The following DNAJC6 variants were observed in gnomAD, a reference collection of about 807,000 sequenced individuals.
DNAJC6 encodes the protein auxilin.
In DNAJC6, 34 loss-of-function variants were observed where a neutral mutation model predicts 110.0. The ratio of observed to expected loss-of-function variants is 0.31; its 90% CI spans 0.24 to 0.41. The LOEUF is 0.41. DNAJC6 is among the 10% of genes least tolerant of loss of function. The pLI is 1.00. For synonymous variants in DNAJC6, 406 were observed against 437.2 expected, an observed-to-expected ratio of 0.93 and a Z score of 0.89; for missense variants, 1,031 against 1,207.8, an observed-to-expected ratio of 0.85 and a Z score of 2.17.
rs1485406732 is a variant in DNAJC6, at chr1:65,413,242, C to G, written c.*217C>G. On this transcript the variant is annotated 3_prime_UTR_variant, in exon 19 of 19. Coordinates refer to ENST00000371069, the MANE Select transcript of DNAJC6 (RefSeq NM_001256864.2). ...AAGATCCAAAGCATGAGAGGAACTT[C>G]TAGTCAGATGACCTTGCAGAACCAC... is the stretch of plus-strand genomic sequence containing the variant. 14 of 482,854 alleles carry G rather than the reference C, an allele frequency of 2.9e-5. No homozygotes were observed. Among genetic ancestry groups the G allele is most frequent in the Non-Finnish European group, 5.2e-5 (14 of 270,346 alleles). The allele number at this position is 482,854 out of a possible 1,614,324, so 29.9% of individuals were successfully genotyped here.
intron 4 of DNAJC6, among the ~76,000 whole-genome samples, chr1:65,378,599 A>C (rs1645789374): frequency 2.0e-5 from 3 of 152,192 alleles, no homozygotes; most frequent in Admixed American, 2.0e-4. Flanking sequence ...CTAGATTAGT[A>C]AGTATGTAAT....
chr1:65,324,043 G>A (rs994140595), intron 1 of DNAJC6, among the ~76,000 whole-genome samples: 23 of 152,240 alleles, frequency 1.5e-4, no homozygotes, highest in African/African-American at 5.3e-4. Flanking sequence ...AAGTAAGGCA[G>A]TGTTGAGAAT....
chr1:65,370,788 T>C (rs1338423103), intron 4 of DNAJC6, among the ~76,000 whole-genome samples: 1 of 152,206 alleles, frequency 6.6e-6, no homozygotes, highest in Non-Finnish European at 1.5e-5. Context: ...GAAAATGTAT[T>C]ATCAACTTGG....
At chr1:65,315,994 T>C (rs1298741881) in intron 1 of DNAJC6, among the ~76,000 whole-genome samples, 2 of 152,122 alleles carry the variant, frequency 1.3e-5, no homozygotes, top group Non-Finnish European at 2.9e-5. Flanking sequence ...TTAAAAACAC[T>C]GGAAATGAAA....
intron 1 of DNAJC6, among the ~76,000 whole-genome samples, chr1:65,301,824 C>A (rs1644981317): frequency 6.6e-6 from 1 of 151,878 alleles, no homozygotes; most frequent in African/African-American, 2.4e-5. Flanking sequence ...GATCTAAACC[C>A]AATAAGGCCT....
chr1:65,384,108 C>T lies in DNAJC6; in HGVS notation c.667-85C>T, dbSNP rs569105671. ...TTAAGAGGATTTCTCCTCTCTCTGT[C>T]TCTTAATTGCAAATTCTGCCATTTT... On this transcript the variant is annotated intron_variant, in intron 5 of 18. Transcript: ENST00000371069. 1.1e-5 allele frequency: 15 copies of T among 1,331,584 alleles called. No homozygotes were observed. The South Asian group carries it at 2.9e-4, about 26-fold the overall frequency. The allele number at this position is 1,331,584 out of a possible 1,614,324, so 82.5% of individuals were successfully genotyped here.
chr1:65,310,033 C>T (rs1012415277), intron 1 of DNAJC6, 95 bp downstream of exon 1: 48 of 1,354,376 alleles, frequency 3.5e-5, no homozygotes, highest in Non-Finnish European at 4.4e-5. Flanking sequence ...GTCCCCCAGC[C>T]CCGGTTTGCG....
intron 1 of DNAJC6, among the ~76,000 whole-genome samples, chr1:65,338,461 C>T (rs963465917): frequency 3.3e-5 from 5 of 152,058 alleles, no homozygotes; most frequent in African/African-American, 9.7e-5. Context: ...GTGGTTATAT[C>T]ATCAATTTCA....
At chr1:65,405,150 A>G (rs1174166419) in intron 15 of DNAJC6, among the ~76,000 whole-genome samples, 1 of 152,228 alleles carries the variant, frequency 6.6e-6, no homozygotes, top group Non-Finnish European at 1.5e-5. Flanking sequence ...AGTGCTTAAA[A>G]GTTTGGAGAT....
chr1:65,289,216 G>A (rs1011040913), intron 1 of DNAJC6, among the ~76,000 whole-genome samples: 2 of 151,536 alleles, frequency 1.3e-5, no homozygotes, highest in African/African-American at 4.9e-5. Context: ...TTTTCCCCAA[G>A]ATGGAGTCTC....
intron 1 of DNAJC6, among the ~76,000 whole-genome samples, chr1:65,328,900 G>A (rs1421394527): frequency 6.6e-6 from 1 of 152,168 alleles, no homozygotes; most frequent in African/African-American, 2.4e-5. Flanking sequence ...TGGTAATGCA[G>A]GTCTCAAGTT....
At chr1:65,290,647 A>T (rs1644864122) in intron 1 of DNAJC6, among the ~76,000 whole-genome samples, 3 of 152,148 alleles carry the variant, frequency 2.0e-5, no homozygotes, top group Non-Finnish European at 4.4e-5. Context: ...TTTATTTTTA[A>T]ATTATTACCT....
chr1:65,367,519 C>T (rs182466668), intron 4 of DNAJC6, among the ~76,000 whole-genome samples: 2 of 152,184 alleles, frequency 1.3e-5, no homozygotes, highest in East Asian at 3.9e-4. Flanking sequence ...TTTTTCTTGA[C>T]TGGAGGCTAA....
At chr1:65,305,859 T>A (rs1427138920), upstream of DNAJC6, among the ~76,000 whole-genome samples, 2 of 151,426 alleles carry the variant, frequency 1.3e-5, no homozygotes, top group African/African-American at 4.9e-5. Flanking sequence ...AGTGACATTT[T>A]AAAAAGAAGT....
chr1:65,309,420 C>G (rs2101354700), upstream of DNAJC6: 1 of 448,598 alleles, frequency 2.2e-6, no homozygotes, highest in African/African-American at 2.1e-5. Context: ...ACTCCTCAGC[C>G]AGGAGGTGCT....
rs759191663 is a variant in DNAJC6, at chr1:65,413,063, A to G, written c.*38A>G. 6 of 1,576,132 alleles carry G rather than the reference A, an allele frequency of 3.8e-6. No individual in the cohort carries two copies. The South Asian group carries it at 4.5e-5, about 12-fold the overall frequency. On this transcript the variant is annotated 3_prime_UTR_variant, in exon 19 of 19. Transcript: ENST00000371069. ...TCCATCTCTGCTGCAGACCTGTGCT[A>G]ATGCTTAGTGTGTGTCACAATTCTG... is the stretch of plus-strand genomic sequence containing the variant.
At chr1:65,269,112 T>C (rs1263980215) in intron 1 of DNAJC6, among the ~76,000 whole-genome samples, 2 of 152,138 alleles carry the variant, frequency 1.3e-5, no homozygotes, top group African/African-American at 4.8e-5. Context: ...GCTCAACCTG[T>C]GATCCCAACA....
chr1:65,403,984 T>C (rs1646052852), intron 15 of DNAJC6, among the ~76,000 whole-genome samples: 1 of 152,234 alleles, frequency 6.6e-6, no homozygotes, highest in South Asian at 2.1e-4. Context: ...CTTTAGGCTT[T>C]TCTGTATTTA....
intron 4 of DNAJC6, among the ~76,000 whole-genome samples, chr1:65,377,045 G>A (rs1353756724): frequency 6.6e-6 from 1 of 152,198 alleles, no homozygotes; most frequent in African/African-American, 2.4e-5. Flanking sequence ...TTACAGGCGT[G>A]AGCCACCACA....
Sources: gnomAD v4.1 joint callset for allele counts (sites outside exome capture counted in the v4.1 genomes callset) on GRCh38, gnomAD v4.1.1 for gene constraint, MANE v1.5 for transcripts, NCBI Gene and HGNC (gene_info 2026-07-23, HGNC 2026-07-21) for gene names.